Variants in RNF8 observed in about 807,000 individuals in gnomAD.
RNF8 encodes ring finger protein 8, also known as E3 ubiquitin-protein ligase RNF8.
Under a neutral mutation model 59.3 loss-of-function variants are expected in RNF8, and 8 were observed. The observed-to-expected ratio is 0.13, with a 90% CI of 0.08 to 0.24. The LOEUF is 0.24. RNF8 is among the 10% of genes least tolerant of loss of function. The pLI is 1.00. For missense variants in RNF8, 406 were observed against 572.6 expected (o/e 0.71, Z 2.97); for synonymous variants, 162 against 200.0 (o/e 0.81, Z 1.60).
At chr6:37,368,047 G>A (rs774493157) in intron 2 of RNF8, among the ~76,000 whole-genome samples, 17 of 152,144 alleles carry the variant, frequency 1.1e-4, no homozygotes, top group Non-Finnish European at 2.4e-4. Context: ...TTACCAGTGC[G>A]TTAAGGAACC....
chr6:37,357,230 G>A (rs1338532752), intron 1 of RNF8, among the ~76,000 whole-genome samples: 1 of 152,226 alleles, frequency 6.6e-6, no homozygotes, highest in Non-Finnish European at 1.5e-5. Context: ...GGGAAATTCA[G>A]TGTTATGTTG....
Position 37,374,664 on chromosome 6 carries a change from T to C in RNF8, c.1083T>C (p.Phe361=). Residue 361 remains phenylalanine, a synonymous_variant, in exon 5 of 8, where the codon TTT becomes TTC. Transcript: ENST00000373479. Reference sequence around the variant, plus strand: ...AGCTAAATCGCAGCAAGAAGGACTTTGAAGCAATCATTCAAGCCAAGAACA... The same window carrying C: ...AGCTAAATCGCAGCAAGAAGGACTTCGAAGCAATCATTCAAGCCAAGAACA... ...MEELNRSKKD[F]EAIIQAKNKE... is the part of the protein sequence containing the mutation. 1 of 1,614,104 alleles carries C rather than the reference T, an allele frequency of 6.2e-7. No homozygotes were observed. Among genetic ancestry groups the C allele is most frequent in the South Asian group, 1.1e-5 (1 of 91,072 alleles).
chr6:37,390,859 AC>A lies in RNF8; in HGVS notation c.*102del. The A allele has an allele frequency of 6.2e-7, 1 of 1,606,294 alleles. No homozygotes were observed. Among genetic ancestry groups the A allele is most frequent in the Non-Finnish European group, 8.5e-7 (1 of 1,172,916 alleles). ...CGTGACTCCGCTGCTCTGAAGGTCAACTGAGAAGTCTTGTGGGACAGAGACT... is the reference window on the plus strand; with the variant it reads ...CGTGACTCCGCTGCTCTGAAGGTCAATGAGAAGTCTTGTGGGACAGAGACT... On this transcript the variant is annotated 3_prime_UTR_variant, in exon 8 of 8. Coordinates refer to ENST00000373479, the MANE Select transcript of RNF8 (RefSeq NM_003958.4).
intron 6 of RNF8, among the ~76,000 whole-genome samples, chr6:37,377,385 CTTA>C (rs1175038230): frequency 6.6e-6 from 1 of 152,060 alleles, no homozygotes; most frequent in Non-Finnish European, 1.5e-5. Context: ...CCGACCCCTT[CTTA>C]TTCTCCCAAC....
chr6:37,387,571 G>T (rs1250369850), intron 7 of RNF8, among the ~76,000 whole-genome samples: 1 of 152,056 alleles, frequency 6.6e-6, no homozygotes, highest in East Asian at 1.9e-4. Flanking sequence ...TGAACTCCTG[G>T]GCTCATAGGA....
At chr6:37,363,829 A>G (rs1327412965) in intron 2 of RNF8, among the ~76,000 whole-genome samples, 1 of 152,248 alleles carries the variant, frequency 6.6e-6, no homozygotes, top group Non-Finnish European at 1.5e-5. Context: ...ACACTATACT[A>G]TAGTGAATAT....
In RNF8 at chr6:37,380,466, C is replaced by T. The variant is rs111299137; in HGVS notation, c.1237-684C>T. Reference sequence around the variant, plus strand: ...CGGGCAGATCACGAGGTCAGGAGATCGAGACCATCCTGGCTAACACGGTGA... The same window carrying T: ...CGGGCAGATCACGAGGTCAGGAGATTGAGACCATCCTGGCTAACACGGTGA... On this transcript the variant is annotated intron_variant, in intron 6 of 7. Coordinates refer to ENST00000373479, the MANE Select transcript of RNF8 (RefSeq NM_003958.4). Among the ~76,000 whole-genome samples the T allele has an allele frequency of 8.9e-3, 1,360 of 151,992 alleles. 22 individuals carry two copies. The highest frequency in any genetic ancestry group is 0.028 in the African/African-American group (1,160 of 41,472).
At chr6:37,380,267 T>C (rs1274508205) in intron 6 of RNF8, among the ~76,000 whole-genome samples, 2 of 152,076 alleles carry the variant, frequency 1.3e-5, no homozygotes, top group African/African-American at 2.4e-5. Flanking sequence ...CCAGCCCACA[T>C]TGGGAGTGTG....
chr6:37,361,967 T>G (rs1289338664), intron 2 of RNF8, among the ~76,000 whole-genome samples: 1 of 152,224 alleles, frequency 6.6e-6, no homozygotes, highest in Non-Finnish European at 1.5e-5. Flanking sequence ...AGCCAGGACT[T>G]AAGTTTCTCT....
intron 4 of RNF8, among the ~76,000 whole-genome samples, chr6:37,372,310 C>T (rs1769842529): frequency 6.6e-6 from 1 of 152,186 alleles, no homozygotes; most frequent in African/African-American, 2.4e-5. Flanking sequence ...TTATCGTAAA[C>T]CTACTTCCCA....
chr6:37,354,412 G>C (rs768586683), intron 1 of RNF8, 137 bp downstream of exon 1: 39 of 697,464 alleles, frequency 5.6e-5, no homozygotes, highest in East Asian at 8.6e-5. Flanking sequence ...CGAAGTGTCT[G>C]TGGGGGGGGT....
intron 6 of RNF8, among the ~76,000 whole-genome samples, chr6:37,378,623 AG>A (rs371825149): frequency 5.3e-5 from 8 of 150,556 alleles, no homozygotes; most frequent in Non-Finnish European, 8.9e-5. Context: ...AAAAAAAAAA[AG>A]AAAAACATAT....
intron 1 of RNF8, among the ~76,000 whole-genome samples, chr6:37,357,117 C>G (rs2269057): frequency 0.43 from 65,887 of 152,098 alleles, 16,042 homozygotes; most frequent in South Asian, 0.66. Flanking sequence ...TGGGCAAAGA[C>G]AGGATGATCT....
Position 37,368,723 on chromosome 6 carries a change from A to C in RNF8, c.480A>C (p.Glu160Asp), listed in dbSNP as rs760460152. The change falls in exon 3 of 8, where the codon GAA becomes GAC. Residue 160 changes from glutamate to aspartate, a missense_variant. By Grantham distance (45) the Glu-to-Asp change is conservative. Transcript: ENST00000373479. Reference protein sequence around the residue: ...LRTKRKFSLDELAGPGAEGPS... With the variant: ...LRTKRKFSLDDLAGPGAEGPS... Reference sequence around the variant, plus strand: ...CTAAAAGGAAATTCAGTTTGGATGAATTAGCAGGTCCTGGAGCTGAAGGCC... The same window carrying C: ...CTAAAAGGAAATTCAGTTTGGATGACTTAGCAGGTCCTGGAGCTGAAGGCC... 6.2e-7 allele frequency: 1 copy of C among 1,614,228 alleles called. No individual in the cohort carries two copies. The highest frequency in any genetic ancestry group is 1.1e-5 in the South Asian group (1 of 91,080).
intron 6 of RNF8, among the ~76,000 whole-genome samples, chr6:37,379,741 C>G (rs1205995771): frequency 1.3e-5 from 2 of 152,022 alleles, no homozygotes; most frequent in Non-Finnish European, 2.9e-5. Context: ...TATTATTTTA[C>G]TTTTTTAGTT....
intron 1 of RNF8, chr6:37,359,099 A>G (rs1318769256): frequency 2.5e-6 from 1 of 406,964 alleles, no homozygotes; most frequent in Non-Finnish European, 4.8e-6. Context: ...CTCTCAAAAA[A>G]ACAAAAAAAA....
chr6:37,382,274 G>A (rs393880), intron 7 of RNF8, among the ~76,000 whole-genome samples: 1 of 152,060 alleles, frequency 6.6e-6, no homozygotes, highest in Non-Finnish European at 1.5e-5. Context: ...GCCTGGGGAG[G>A]TGCAGGTATG....
Position 37,368,599 on chromosome 6 carries a change from A to G in RNF8, c.356A>G (p.Glu119Gly). Residue 119 changes from glutamate (E) to glycine (G), a missense_variant, in exon 3 of 8, where the codon GAG becomes GGG. By Grantham distance (98) the Glu-to-Gly change is moderately conservative. Around this residue, in one of 3 missense-constraint regions of RNF8, gnomAD observed 285 missense variants for 342.0 expected, o/e 0.83. Coordinates refer to ENST00000373479, the MANE Select transcript of RNF8 (RefSeq NM_003958.4). The stretch of plus-strand genomic sequence containing the variant: ...CCTCTGGAAAATAAGGAGAATGCGG[A>G]GTATGAATATGAAGTTACTGAAGAA... ...GVPLENKENAEYEYEVTEEDW... is the reference protein window; with the variant it reads ...GVPLENKENAGYEYEVTEEDW... The G allele has an allele frequency of 6.2e-7, 1 of 1,614,174 alleles. No individual in the cohort carries two copies. The highest frequency in any genetic ancestry group is 1.6e-4 in the Middle Eastern group (1 of 6,062).
chr6:37,365,655 CCTGT>C (rs1769522767), intron 2 of RNF8, among the ~76,000 whole-genome samples: 3 of 152,162 alleles, frequency 2.0e-5, no homozygotes. Context: ...TGAAGTAATT[CCTGT>C]CTAAGTGGAT....
Sources: gnomAD v4.1 joint callset for allele counts (sites outside exome capture counted in the v4.1 genomes callset) on GRCh38, gnomAD v4.1.1 for gene constraint, gnomAD v4.1.1 regional missense constraint, MANE v1.5 for transcripts, NCBI Gene and HGNC (gene_info 2026-07-23, HGNC 2026-07-21) for gene names.